The following USP49 variants were observed in gnomAD, a reference collection of about 807,000 sequenced individuals.
USP49 encodes ubiquitin carboxyl-terminal hydrolase 49.
Under a neutral mutation model 58.6 loss-of-function variants are expected in USP49, and 24 were observed. The ratio of observed to expected loss-of-function variants is 0.41; its 90% CI spans 0.30 to 0.58. The LOEUF (loss-of-function observed/expected upper bound fraction) is 0.58. USP49 is among the 20% of genes least tolerant of loss of function. The pLI, the probability that USP49 is intolerant of heterozygous loss-of-function variation, is 0.30. For synonymous variants in USP49, 408 were observed against 365.1 expected, an observed-to-expected ratio of 1.12 and a Z score of -1.34; for missense variants, 703 against 866.1, an observed-to-expected ratio of 0.81 and a Z score of 2.36.
chr6:41,802,454 TTA>T (rs1773028389), intron 5 of USP49, among the ~76,000 whole-genome samples: 2 of 86,180 alleles, frequency 2.3e-5, no homozygotes, highest in Admixed American at 1.6e-4. Flanking sequence ...ATTTATTTAT[TTA>T]TTTATTTATT....
chr6:41,874,973 A>G (rs928768684), intron 2 of USP49, among the ~76,000 whole-genome samples: 28 of 151,772 alleles, frequency 1.8e-4, no homozygotes, highest in African/African-American at 5.8e-4. Context: ...AAAAAGAAAG[A>G]GAGAGAGAGA....
At position 41,792,193 on chromosome 6, in the gene USP49, G is replaced by C. The variant is rs993978536; in HGVS notation, c.*4340C>G. ...TGCCAGGGAAAGGGCATGGAGAGCT[G>C]GGACGGGTGCCTTCTCTTTTGCACC... On this transcript the variant is annotated 3_prime_UTR_variant, in exon 8 of 8. Coordinates refer to ENST00000682992, the MANE Select transcript of USP49 (RefSeq NM_001286554.2). 2.0e-5 allele frequency: 3 copies of C among 152,248 alleles called. No homozygotes were observed. The highest frequency in any genetic ancestry group is 2.0e-4 in the Admixed American group (3 of 15,286). The allele number at this position is 152,248 out of a possible 1,614,324, so 9.4% of individuals were successfully genotyped here.
chr6:41,807,868 G>C (rs930184486), intron 3 of USP49, among the ~76,000 whole-genome samples: 1 of 151,478 alleles, frequency 6.6e-6, no homozygotes, highest in South Asian at 2.1e-4. Context: ...CTGCCTCCCT[G>C]GTTCAAGCGA....
At chr6:41,830,315 G>A (rs746638139) in intron 3 of USP49, among the ~76,000 whole-genome samples, 2 of 152,118 alleles carry the variant, frequency 1.3e-5, no homozygotes, top group Non-Finnish European at 2.9e-5. Flanking sequence ...TTGTAGGATT[G>A]TTTCAATGTT....
intron 2 of USP49, among the ~76,000 whole-genome samples, chr6:41,875,395 G>GT (rs1252022833): frequency 1.3e-5 from 2 of 152,190 alleles, no homozygotes; most frequent in Admixed American, 6.5e-5. Context: ...TATCTCATCT[G>GT]TAAGTGTCTT....
chr6:41,890,297 T>C (rs577055093), intron 2 of USP49, among the ~76,000 whole-genome samples: 20 of 151,184 alleles, frequency 1.3e-4, no homozygotes, highest in African/African-American at 4.9e-4. Context: ...GAGAATCGCT[T>C]GAACCTGGGA....
intron 3 of USP49, among the ~76,000 whole-genome samples, chr6:41,843,205 A>G (rs1200489392): frequency 2.6e-5 from 4 of 152,204 alleles, no homozygotes; most frequent in Non-Finnish European, 5.9e-5. Context: ...TACCATGCAC[A>G]TTAATTACTT....
intron 3 of USP49, among the ~76,000 whole-genome samples, chr6:41,820,618 A>G (rs1773436585): frequency 6.6e-6 from 1 of 152,194 alleles, no homozygotes; most frequent in African/African-American, 2.4e-5. Context: ...GATTGTCAAA[A>G]TGTCTATAAT....
In USP49 at chr6:41,796,183, G is replaced by A. The variant is rs940070357; in HGVS notation, c.*350C>T. 2 of 205,556 alleles carry A rather than the reference G, an allele frequency of 9.7e-6. No individual in the cohort carries two copies. The highest frequency in any genetic ancestry group is 2.0e-5 in the Non-Finnish European group (2 of 99,854). 12.7% of individuals were successfully genotyped at this position (205,556 alleles called of 1,614,324 possible). ...TGCAAGGAGGTCCTGATTAGCAGGG[G>A]AATCACATCATGGAGAGAAAACATG... On this transcript the variant is annotated 3_prime_UTR_variant, in exon 8 of 8. Transcript: ENST00000682992.
chr6:41,806,053 A>G lies in USP49; in HGVS notation c.931T>C (p.Ser311Pro). 1 of 1,613,892 alleles carries G rather than the reference A, an allele frequency of 6.2e-7. No individual in the cohort carries two copies. Among genetic ancestry groups the G allele is most frequent in the Non-Finnish European group, 8.5e-7 (1 of 1,180,014 alleles). Residue 311 changes from serine (S) to proline (P), a missense_variant, in exon 4 of 8, where the codon TCG (serine) becomes CCG (proline). By Grantham distance (74) the Ser-to-Pro change is moderately conservative (BLOSUM62 -1). Transcript: ENST00000682992. The surrounding 1 kb of genome is among the most constrained non-coding windows in gnomAD (Gnocchi z 5.9). ...TTTCTCAAGGACAGCTCCGTGGCCG[A>G]GCTGTTGGTTGGCTTGCCAGAAAGC... The part of the protein sequence containing the change: ...TQLSGKPTNS[S>P]ATELSLRNDR...
At chr6:41,812,588 G>A (rs1318325890) in intron 3 of USP49, among the ~76,000 whole-genome samples, 1 of 151,982 alleles carries the variant, frequency 6.6e-6, no homozygotes, top group Non-Finnish European at 1.5e-5. Context: ...AGCTACTTGG[G>A]AGGCTGAGGC....
chr6:41,810,179 A>G (rs1212700586), intron 3 of USP49, among the ~76,000 whole-genome samples: 1 of 151,422 alleles, frequency 6.6e-6, no homozygotes, highest in Non-Finnish European at 1.5e-5. Context: ...AAATAAAAAA[A>G]TAAAGAAAAT....
rs1773142797 is a variant in USP49 at position 41,806,751 on chromosome 6, A to C, written c.233T>G (p.Leu78Arg). Residue 78 changes from leucine to arginine, a missense_variant, in exon 4 of 8, where the codon CTG becomes CGG. Leu to Arg is a moderately radical substitution (Grantham distance 102). Around this residue, in one of 6 missense-constraint regions of USP49, gnomAD observed 376 missense variants for 373.5 expected, o/e 1.01. Transcript: ENST00000682992. This position sits in a 1 kb window ranked among gnomAD's most constrained non-coding sequence, Gnocchi z 5.9. ...ATCATTGAGCACGTAGTCCTTGCAC[A>C]GGTAACAGAACACGTAGAGATCCCG... is the stretch of plus-strand genomic sequence containing the variant. ...EVRDLYVFCY[L>R]CKDYVLNDNP... 6.2e-7 allele frequency: 1 copy of C among 1,614,052 alleles called. No homozygotes were observed.
intron 3 of USP49, among the ~76,000 whole-genome samples, chr6:41,860,841 A>G (rs1774208360): frequency 6.6e-6 from 1 of 152,086 alleles, no homozygotes; most frequent in South Asian, 2.1e-4. Context: ...AAGAACTCAT[A>G]GGCCAGGCAC....
At chr6:41,801,199 T>C (rs1367386060) in intron 5 of USP49, among the ~76,000 whole-genome samples, 1 of 152,240 alleles carries the variant, frequency 6.6e-6, no homozygotes, top group African/African-American at 2.4e-5. Context: ...GATGACTGTT[T>C]TGTTATATTA....
At chr6:41,836,046 C>A (rs1325440573) in intron 3 of USP49, among the ~76,000 whole-genome samples, 5 of 152,010 alleles carry the variant, frequency 3.3e-5, no homozygotes, top group African/African-American at 9.7e-5. Context: ...CCACTGCACT[C>A]CAGCCTGGGT....
In USP49 at chr6:41,851,952, CAAA is replaced by C. The variant is rs67716441; in HGVS notation, c.-29+19609_-29+19611del. Among the ~76,000 whole-genome samples, 343 of 54,860 alleles carry C rather than the reference CAAA, an allele frequency of 6.3e-3. 2 individuals are homozygous for C. The East Asian group carries it at 0.077, about 12-fold the overall frequency. 36.0% of individuals were successfully genotyped at this position (54,860 alleles called of 152,430 possible). A position where few individuals can be genotyped will look rare whatever the true frequency, so the allele number is the denominator to read the frequency against. On this transcript the variant is annotated intron_variant, in intron 3 of 7. Transcript: ENST00000682992. The stretch of plus-strand genomic sequence containing the variant: ...CTGGGAGACAGAGCGAGACTCGTCT[CAAA>C]AAAAAAAAAAAAAAAAAAAAAGAAA...
intron 3 of USP49, among the ~76,000 whole-genome samples, chr6:41,865,172 G>C (rs1380434514): frequency 6.6e-6 from 1 of 152,126 alleles, no homozygotes; most frequent in East Asian, 1.9e-4. Context: ...AGTCTCCCGA[G>C]TAGCTAGGAT....
chr6:41,875,935 T>C (rs894832299), intron 2 of USP49, among the ~76,000 whole-genome samples: 2 of 152,148 alleles, frequency 1.3e-5, no homozygotes, highest in Admixed American at 6.5e-5. Flanking sequence ...TTTCACCATG[T>C]TGGTCAGGCT....
Sources: gnomAD v4.1 joint callset for allele counts (sites outside exome capture counted in the v4.1 genomes callset) on GRCh38, gnomAD v4.1.1 for gene constraint, gnomAD v4.1.1 regional missense constraint, Gnocchi (gnomAD v3.1) non-coding constraint, MANE v1.5 for transcripts, NCBI Gene and HGNC (gene_info 2026-07-23, HGNC 2026-07-21) for gene names.